The following ACSBG1 variants were observed in gnomAD, a reference collection of about 807,000 sequenced individuals.
The protein encoded by ACSBG1 is long-chain-fatty-acid--CoA ligase ACSBG1.
ACSBG1 carries 39 observed loss-of-function variants against 80.2 expected under a neutral mutation model. That is an observed-to-expected ratio of 0.49 (90% CI 0.38 to 0.64). The LOEUF (loss-of-function observed/expected upper bound fraction) is 0.64, where lower values mean the gene tolerates loss of function less well. ACSBG1 is among the 30% of genes least tolerant of loss of function. The pLI, the probability that ACSBG1 is intolerant of heterozygous loss-of-function variation, is 0.00. For missense variants in ACSBG1, 828 were observed against 966.4 expected (o/e 0.86, Z 1.90); for synonymous variants, 392 against 379.5 (o/e 1.03, Z -0.38).
intron 5 of ACSBG1, among the ~76,000 whole-genome samples, chr15:78,184,706 G>T (rs1425554594): frequency 6.6e-6 from 1 of 152,140 alleles, no homozygotes; most frequent in African/African-American, 2.4e-5. Flanking sequence ...ATATTCCTGA[G>T]ACTTCTGATT....
intron 1 of ACSBG1, among the ~76,000 whole-genome samples, chr15:78,227,848 C>A (rs1347717220): frequency 6.6e-6 from 1 of 152,232 alleles, no homozygotes; most frequent in Non-Finnish European, 1.5e-5. Flanking sequence ...ACTGATCAAT[C>A]TCACAAACAT....
intron 5 of ACSBG1, among the ~76,000 whole-genome samples, chr15:78,191,229 A>G (rs1469050323): frequency 1.3e-5 from 2 of 152,250 alleles, no homozygotes; most frequent in East Asian, 1.9e-4. Context: ...AAACACGTAT[A>G]TGCCTAATAA....
At chr15:78,209,342 T>A (rs1448601307) in intron 1 of ACSBG1, 1 of 439,274 alleles carries the variant, frequency 2.3e-6, no homozygotes, top group East Asian at 7.1e-5. Flanking sequence ...GGTGGCGCCG[T>A]TCTTGCGAAA....
At position 78,187,546 on chromosome 15, in the gene ACSBG1, G is replaced by C. The variant is rs1310314555; in HGVS notation, c.664-4761C>G. Among the ~76,000 whole-genome samples the C allele has an allele frequency of 3.3e-5, 5 of 152,224 alleles. No homozygotes were observed. In the East Asian group the frequency reaches 5.8e-4, roughly 18 times the overall value. On this transcript the variant is annotated intron_variant, in intron 5 of 13. Transcript: ENST00000258873. The stretch of plus-strand genomic sequence containing the variant: ...TATGCAAATCAATAAATGTAATCCA[G>C]CATATAAACAGAACCAAAGACAAAA...
At chr15:78,215,759 A>AAAGAAAGAAAGG (rs1567096368) in intron 1 of ACSBG1, among the ~76,000 whole-genome samples, 19 of 150,336 alleles carry the variant, frequency 1.3e-4, no homozygotes, top group Non-Finnish European at 2.5e-4. Flanking sequence ...AGAAAGAAAG[A>AAAGAAAGAAAGG]AAGAAAGAAA....
At chr15:78,200,672 T>G (rs1210396072) in intron 2 of ACSBG1, among the ~76,000 whole-genome samples, 2 of 152,050 alleles carry the variant, frequency 1.3e-5, no homozygotes, top group African/African-American at 4.8e-5. Context: ...CGGCACCACA[T>G]CTCCCATCTC....
rs1179668247 is a variant in ACSBG1 at position 78,169,139 on chromosome 15, A to C, written c.*2305T>G. 10 of 520,650 alleles carry C rather than the reference A, an allele frequency of 1.9e-5. No individual in the cohort carries two copies. The highest frequency in any genetic ancestry group is 3.4e-5 in the Non-Finnish European group (10 of 298,164). The allele number at this position is 520,650 out of a possible 1,614,324, so 32.3% of individuals were successfully genotyped here. ...CATTTTTAGATCTGGCCTTTTCTTA[A>C]CAAAATCTGTGCAAAAGATGCAGGT... On this transcript the variant is annotated 3_prime_UTR_variant, in exon 14 of 14. Transcript: ENST00000258873.
At chr15:78,201,670 CCCGTGGGCTCTGCTCACA>C (rs2075169520) in intron 2 of ACSBG1, among the ~76,000 whole-genome samples, 1 of 152,238 alleles carries the variant, frequency 6.6e-6, no homozygotes, top group African/African-American at 2.4e-5. Context: ...TGTGTTCCCA[CCCGTGGGCTCTGCTCACA>C]CCGTGTCCTC....
At position 78,224,700 on chromosome 15, in the gene ACSBG1, G is replaced by A. The variant is rs549975545; in HGVS notation, c.131+9671C>T. On this transcript the variant is annotated intron_variant, in intron 1 of 13. Coordinates refer to ENST00000258873, the MANE Select transcript of ACSBG1 (RefSeq NM_015162.5). ...CGCGCCACTGCACTCCAGCCTGGGCGACAGAGCGAGACTCCGCCTCAAAAA... is the reference window on the plus strand; with the variant it reads ...CGCGCCACTGCACTCCAGCCTGGGCAACAGAGCGAGACTCCGCCTCAAAAA... Among the ~76,000 whole-genome samples, 372 of 151,132 alleles carry A rather than the reference G, an allele frequency of 2.5e-3. 1 individual carries two copies. The highest frequency in any genetic ancestry group is 8.6e-3 in the African/African-American group (352 of 41,070).
At position 78,182,053 on chromosome 15, in the gene ACSBG1, G is replaced by A; in HGVS notation, c.987C>T (p.Ser329=). The A allele has an allele frequency of 6.2e-7, 1 of 1,614,052 alleles. No homozygotes were observed. The highest frequency in any genetic ancestry group is 8.5e-7 in the Non-Finnish European group (1 of 1,180,026). The stretch of plus-strand genomic sequence containing the variant: ...GGTCGTAGATCTGGGCGGCAATATG[G>A]CTGAGGGGCAGGTAGCTGACTACCA... ...QEVVVSYLPL[S]HIAAQIYDLW... Residue 329 remains serine, a synonymous_variant, in exon 8 of 14, where the codon AGC becomes AGT. Transcript: ENST00000258873.
At chr15:78,181,928 G>A (rs1172054237) in intron 8 of ACSBG1, 41 bp downstream of exon 8, 3 of 1,595,204 alleles carry the variant, frequency 1.9e-6, no homozygotes, top group East Asian at 4.5e-5. Flanking sequence ...ACGTGGCCTG[G>A]CACACGGGCT....
intron 2 of ACSBG1, among the ~76,000 whole-genome samples, chr15:78,207,353 C>T (rs566867467): frequency 1.3e-5 from 2 of 152,280 alleles, no homozygotes; most frequent in South Asian, 4.1e-4. Flanking sequence ...CAGCAGTGAC[C>T]CTCTGTGCTG....
chr15:78,234,036 G>A (rs1468850796), intron 1 of ACSBG1, among the ~76,000 whole-genome samples: 6 of 152,190 alleles, frequency 3.9e-5, no homozygotes, highest in African/African-American at 7.2e-5. Flanking sequence ...TTTGACCCCC[G>A]CAGGCAAAAG....
At chr15:78,212,057 C>T (rs781437577) in intron 1 of ACSBG1, among the ~76,000 whole-genome samples, 4 of 152,198 alleles carry the variant, frequency 2.6e-5, no homozygotes, top group African/African-American at 4.8e-5. Context: ...CCCATGTGAA[C>T]GCTTCACGGA....
chr15:78,212,832 C>T (rs944838750), intron 1 of ACSBG1: 4 of 282,802 alleles, frequency 1.4e-5, no homozygotes, highest in African/African-American at 6.6e-5. Context: ...GTGGGACACC[C>T]TGCTGTAATT....
intron 1 of ACSBG1, among the ~76,000 whole-genome samples, chr15:78,224,837 T>C (rs2075387294): frequency 1.3e-5 from 2 of 152,276 alleles, no homozygotes; most frequent in Non-Finnish European, 2.9e-5. Flanking sequence ...AAATAAGGAT[T>C]TCCACTCTTA....
chr15:78,214,254 T>C (rs1340373553), intron 1 of ACSBG1, among the ~76,000 whole-genome samples: 2 of 152,214 alleles, frequency 1.3e-5, no homozygotes, highest in Admixed American at 6.5e-5. Flanking sequence ...GGGCTGTCCC[T>C]GGTGATCTGC....
At chr15:78,232,330 G>A (rs2075452985) in intron 1 of ACSBG1, among the ~76,000 whole-genome samples, 1 of 152,088 alleles carries the variant, frequency 6.6e-6, no homozygotes, top group South Asian at 2.1e-4. Flanking sequence ...TGGGTTTTTA[G>A]CCTTTCTCTT....
intron 2 of ACSBG1, among the ~76,000 whole-genome samples, chr15:78,200,640 C>T (rs777014849): frequency 5.3e-5 from 8 of 152,150 alleles, no homozygotes; most frequent in East Asian, 1.9e-4. Context: ...CTGCCTCTCA[C>T]GGTGAACTTC....
Sources: allele counts gnomAD v4.1 joint callset (sites outside exome capture counted in the v4.1 genomes callset), GRCh38; gene constraint gnomAD v4.1.1; transcripts MANE v1.5; gene names NCBI Gene and HGNC (gene_info 2026-07-23, HGNC 2026-07-21).